The following CD2AP variants were observed in gnomAD, a reference collection of about 807,000 sequenced individuals.
CD2AP encodes CD2 associated protein.
CD2AP carries 46 observed loss-of-function variants against 85.1 expected under a neutral mutation model. That is an observed-to-expected ratio of 0.54 (90% CI 0.43 to 0.69). CD2AP has a LOEUF of 0.69. Among genes scored for constraint, CD2AP ranks in the 30% least tolerant of loss-of-function variants. The pLI, the probability that CD2AP is intolerant of heterozygous loss-of-function variation, is 0.00. For missense variants in CD2AP, 769 were observed against 729.5 expected (o/e 1.05, Z -0.62); for synonymous variants, 255 against 252.9 (o/e 1.01, Z -0.08).
intron 2 of CD2AP, among the ~76,000 whole-genome samples, chr6:47,524,595 G>T (rs1487905372): frequency 8.0e-6 from 1 of 124,752 alleles, no homozygotes; most frequent in East Asian, 2.0e-4. Flanking sequence ...TGAGTAAAGA[G>T]AAAAGTTCTT....
intron 17 of CD2AP, among the ~76,000 whole-genome samples, chr6:47,616,866 A>AT (rs1335653503): frequency 6.6e-6 from 1 of 152,148 alleles, no homozygotes; most frequent in African/African-American, 2.4e-5. Context: ...AACAGATCAC[A>AT]TTTTTTACCA....
chr6:47,510,113 T>A (rs904496107), intron 2 of CD2AP, among the ~76,000 whole-genome samples: 1 of 152,222 alleles, frequency 6.6e-6, no homozygotes, highest in African/African-American at 2.4e-5. Context: ...GAGAAAAGTT[T>A]AATCTGGGAT....
chr6:47,607,562 C>A (rs555289820), intron 14 of CD2AP, among the ~76,000 whole-genome samples: 3 of 151,904 alleles, frequency 2.0e-5, no homozygotes, highest in Non-Finnish European at 4.4e-5. Context: ...GTGAAATATT[C>A]ATTGTTTTTG....
At chr6:47,572,161 T>G (rs937243902) in intron 5 of CD2AP, among the ~76,000 whole-genome samples, 2 of 152,216 alleles carry the variant, frequency 1.3e-5, no homozygotes, top group Admixed American at 6.5e-5. Flanking sequence ...AAATAACTGT[T>G]GTAAAGGATT....
intron 2 of CD2AP, among the ~76,000 whole-genome samples, chr6:47,510,840 C>T (rs1038524372): frequency 4.6e-5 from 7 of 151,768 alleles, no homozygotes; most frequent in African/African-American, 7.3e-5. Flanking sequence ...TTTGGGAGGC[C>T]GAGGTGGGCA....
chr6:47,625,152 G>C lies in CD2AP; in HGVS notation c.*925G>C, dbSNP rs1769877386. 1.3e-5 allele frequency: 2 copies of C among 151,670 alleles called. No homozygotes were observed. Among genetic ancestry groups the C allele is most frequent in the South Asian group, 4.1e-4 (2 of 4,820 alleles). 9.4% of individuals were successfully genotyped at this position (151,670 alleles called of 1,614,324 possible). A position where few individuals can be genotyped will look rare whatever the true frequency, so the allele number is the denominator to read the frequency against. ...AGCCTCAAATATTTCTCATTATCTTGTCACTTAGTTCTTCATGTTTCTCCT... is the reference window on the plus strand; with the variant it reads ...AGCCTCAAATATTTCTCATTATCTTCTCACTTAGTTCTTCATGTTTCTCCT... On this transcript the variant is annotated 3_prime_UTR_variant, in exon 18 of 18. Transcript: ENST00000359314.
At chr6:47,508,665 C>T (rs1035363976) in intron 2 of CD2AP, among the ~76,000 whole-genome samples, 2 of 150,862 alleles carry the variant, frequency 1.3e-5, no homozygotes, top group African/African-American at 4.9e-5. Context: ...CCTGCCCAGT[C>T]TCCTGAGTAG....
chr6:47,578,684 C>T (rs1472909840), intron 8 of CD2AP, among the ~76,000 whole-genome samples: 4 of 144,726 alleles, frequency 2.8e-5, no homozygotes, highest in African/African-American at 5.1e-5. Context: ...GATGCAGTCT[C>T]GCTCTGTCAC....
At chr6:47,574,287 A>T in intron 6 of CD2AP, 36 bp downstream of exon 6, 1 of 1,550,296 alleles carries the variant, frequency 6.5e-7, no homozygotes, top group Admixed American at 1.7e-5. Context: ...AACTCCACTC[A>T]TTCTCTCATT....
rs1449874315 is a variant in CD2AP, at chr6:47,626,106, G to A, written c.*1879G>A. The A allele has an allele frequency of 1.3e-5, 2 of 151,848 alleles. No individual in the cohort carries two copies. The highest frequency in any genetic ancestry group is 3.0e-5 in the Non-Finnish European group (2 of 67,796). 9.4% of individuals were successfully genotyped at this position (151,848 alleles called of 1,614,324 possible). On this transcript the variant is annotated 3_prime_UTR_variant, in exon 18 of 18. Transcript: ENST00000359314. ...GTGATCCCTGGTCATCCTAATAATG[G>A]GATGAGGGAAGTTTCCAGCAGATTT...
rs189252308 is a variant in CD2AP, at chr6:47,620,288, A to G, written c.1879-3898A>G. ...TCATTCTCCTACATGCGGCTAGCCA[A>G]TTATCCCAGCACCATTTGTTGAAAG... is the stretch of plus-strand genomic sequence containing the variant. On this transcript the variant is annotated intron_variant, in intron 17 of 17. Transcript: ENST00000359314. 5.3e-5 allele frequency among the ~76,000 whole-genome samples: 8 copies of G among 152,258 alleles called. No individual in the cohort carries two copies. The East Asian group carries it at 1.4e-3, about 26-fold the overall frequency.
chr6:47,532,765 A>G (rs959928046), intron 2 of CD2AP, among the ~76,000 whole-genome samples: 2 of 152,162 alleles, frequency 1.3e-5, no homozygotes, highest in Admixed American at 1.3e-4. Context: ...GAAACAGCTT[A>G]TTAAATTGCT....
At chr6:47,542,034 C>T (rs953203455) in intron 3 of CD2AP, among the ~76,000 whole-genome samples, 1 of 152,190 alleles carries the variant, frequency 6.6e-6, no homozygotes, top group Non-Finnish European at 1.5e-5. Flanking sequence ...CCACATCTGT[C>T]CCACCTTCTT....
At chr6:47,605,407 AG>A (rs1562053450) in intron 13 of CD2AP, among the ~76,000 whole-genome samples, 1 of 152,042 alleles carries the variant, frequency 6.6e-6, no homozygotes, top group Admixed American at 6.6e-5. Flanking sequence ...ATTGTTGTAG[AG>A]TAGATTTGTC....
chr6:47,576,734 G>A, intron 7 of CD2AP, 132 bp downstream of exon 7: 1 of 737,310 alleles, frequency 1.4e-6, no homozygotes, highest in South Asian at 1.6e-5. Context: ...AGCACCATGA[G>A]GTCAAGGATT....
intron 1 of CD2AP, among the ~76,000 whole-genome samples, chr6:47,493,773 A>G (rs1765789787): frequency 6.6e-6 from 1 of 151,390 alleles, no homozygotes; most frequent in Non-Finnish European, 1.5e-5. Context: ...TTCTCTTTGC[A>G]TTTCAGTTTG....
chr6:47,622,639 A>G (rs1286797034), intron 17 of CD2AP, among the ~76,000 whole-genome samples: 1 of 152,124 alleles, frequency 6.6e-6, no homozygotes, highest in African/African-American at 2.4e-5. Context: ...TGTTCGGGAG[A>G]GGAGGGTCTC....
chr6:47,578,998 G>A (rs111731753), intron 8 of CD2AP, among the ~76,000 whole-genome samples: 2 of 151,996 alleles, frequency 1.3e-5, no homozygotes, highest in African/African-American at 2.4e-5. Flanking sequence ...ACATTTTAAC[G>A]TTATAAATGG....
chr6:47,548,466 A>G (rs1767426105), intron 4 of CD2AP, among the ~76,000 whole-genome samples: 1 of 152,184 alleles, frequency 6.6e-6, no homozygotes, highest in Admixed American at 6.5e-5. Context: ...AGATGGCTGA[A>G]TTCCTGTAAA....
Sources: allele counts gnomAD v4.1 joint callset (sites outside exome capture counted in the v4.1 genomes callset), GRCh38; gene constraint gnomAD v4.1.1; transcripts MANE v1.5; gene names NCBI Gene and HGNC (gene_info 2026-07-23, HGNC 2026-07-21).